ABI2: variants seen among roughly 807,000 people sequenced by gnomAD.
The protein encoded by ABI2 is abelson interactor 2.
In ABI2, 25 loss-of-function variants were observed where a neutral mutation model predicts 59.2. The ratio of observed to expected loss-of-function variants is 0.42; its 90% CI spans 0.31 to 0.59. ABI2 has a LOEUF of 0.59. Among genes scored for constraint, ABI2 ranks in the 20% least tolerant of loss-of-function variants. The pLI is 0.14. For synonymous variants in ABI2, 213 were observed against 235.5 expected (o/e 0.90, Z 0.87); for missense variants, 545 against 681.8 (o/e 0.80, Z 2.23).
intron 4 of ABI2, among the ~76,000 whole-genome samples, chr2:203,385,139 C>CA (rs2096427631): frequency 1.4e-5 from 1 of 69,938 alleles, no homozygotes; most frequent in Non-Finnish European, 2.9e-5. Context: ...GGCTCAGATT[C>CA]TTTTTTTTTT....
At chr2:203,342,940 T>A (rs1039144324) in intron 1 of ABI2, among the ~76,000 whole-genome samples, 6 of 152,242 alleles carry the variant, frequency 3.9e-5, no homozygotes, top group Non-Finnish European at 8.8e-5. Flanking sequence ...TGCATTTGTT[T>A]ATAATGCATT....
chr2:203,340,591 C>G (rs190674666), intron 1 of ABI2, among the ~76,000 whole-genome samples: 113 of 152,202 alleles, frequency 7.4e-4, no homozygotes, highest in Middle Eastern at 3.4e-3. Flanking sequence ...CTCCTGGGCT[C>G]TACCCATCCA....
chr2:203,368,498 T>G (rs1023567456), intron 2 of ABI2, among the ~76,000 whole-genome samples: 1 of 152,172 alleles, frequency 6.6e-6, no homozygotes, highest in African/African-American at 2.4e-5. Context: ...TTTGAGAGTC[T>G]AAAGTTTAGC....
chr2:203,415,248 G>A (rs763468068), intron 10 of ABI2, among the ~76,000 whole-genome samples: 1 of 152,164 alleles, frequency 6.6e-6, no homozygotes, highest in Non-Finnish European at 1.5e-5. Flanking sequence ...GAGGGGCACA[G>A]CAGATGGGAA....
intron 1 of ABI2, among the ~76,000 whole-genome samples, chr2:203,356,998 T>TA (rs1188296881): frequency 6.6e-6 from 1 of 151,670 alleles, no homozygotes; most frequent in Non-Finnish European, 1.5e-5. Context: ...AAAAGAAAAC[T>TA]AAAAAACGAT....
At chr2:203,384,610 A>G (rs1028852040) in intron 4 of ABI2, among the ~76,000 whole-genome samples, 1 of 151,330 alleles carries the variant, frequency 6.6e-6, no homozygotes, top group African/African-American at 2.4e-5. Flanking sequence ...GTGCCTGGCC[A>G]GTACTCTTTT....
chr2:203,420,952 T>C (rs1375953355), intron 11 of ABI2, among the ~76,000 whole-genome samples: 3 of 71,342 alleles, frequency 4.2e-5, no homozygotes, highest in Non-Finnish European at 7.7e-5. Flanking sequence ...CAGTGTCCAG[T>C]GCATGAGGGT....
intron 9 of ABI2, among the ~76,000 whole-genome samples, chr2:203,403,789 T>C (rs953551232): frequency 1.3e-5 from 2 of 148,762 alleles, no homozygotes; most frequent in Non-Finnish European, 3.0e-5. Flanking sequence ...TCTCGCTCTG[T>C]TGCCCAGGAT....
chr2:203,340,227 G>A (rs1379054408), intron 1 of ABI2, among the ~76,000 whole-genome samples: 4 of 152,216 alleles, frequency 2.6e-5, no homozygotes, highest in Non-Finnish European at 4.4e-5. Context: ...GCCAAGGGCC[G>A]TTGGGAGGTG....
intron 1 of ABI2, among the ~76,000 whole-genome samples, chr2:203,364,491 G>A (rs145962993): frequency 7.2e-5 from 11 of 152,250 alleles, no homozygotes; most frequent in East Asian, 3.9e-4. Context: ...TGACTTATCC[G>A]TAGAGCAGAT....
chr2:203,376,397 C>G (rs1461781951), intron 2 of ABI2, among the ~76,000 whole-genome samples: 1 of 152,176 alleles, frequency 6.6e-6, no homozygotes, highest in Admixed American at 6.5e-5. Flanking sequence ...CCTAGTGTTT[C>G]TAAGATGTAG....
chr2:203,382,320 C>G, intron 4 of ABI2, 114 bp downstream of exon 4: 2 of 916,046 alleles, frequency 2.2e-6, no homozygotes, highest in South Asian at 3.5e-5. Flanking sequence ...AATAATTCCT[C>G]CTTTTTGTTT....
chr2:203,406,803 A>G (rs1237419369), intron 9 of ABI2, among the ~76,000 whole-genome samples: 1 of 152,074 alleles, frequency 6.6e-6, no homozygotes, highest in Admixed American at 6.5e-5. Flanking sequence ...AGTTGGAACT[A>G]CAGGTGTGTG....
intron 1 of ABI2, chr2:203,329,341 ATTTTTTTTTTTTT>A (rs11376266): frequency 9.9e-6 from 1 of 100,700 alleles, no homozygotes; most frequent in Non-Finnish European, 1.9e-5. Context: ...TCCTGGTTTA[ATTTTTTTTTTTTT>A]TTTTTTTTTT....
At chr2:203,379,552 T>A (rs755990859) in intron 2 of ABI2, among the ~76,000 whole-genome samples, 1 of 152,196 alleles carries the variant, frequency 6.6e-6, no homozygotes, top group Non-Finnish European at 1.5e-5. Context: ...TTTTTAACAT[T>A]ATATTTCAGC....
At chr2:203,344,567 GTT>G (rs56966940) in intron 1 of ABI2, among the ~76,000 whole-genome samples, 35 of 144,044 alleles carry the variant, frequency 2.4e-4, no homozygotes, top group Admixed American at 2.8e-4. Context: ...TGTTGTTTTT[GTT>G]TTTTTTTTTT....
At chr2:203,363,613 CAA>C (rs1015412502) in intron 1 of ABI2, among the ~76,000 whole-genome samples, 2 of 152,118 alleles carry the variant, frequency 1.3e-5, no homozygotes, top group African/African-American at 4.8e-5. Context: ...TTAACTCCCA[CAA>C]ATAAGTGAGA....
At chr2:203,334,789 T>A (rs1403566884) in intron 1 of ABI2, among the ~76,000 whole-genome samples, 1 of 151,982 alleles carries the variant, frequency 6.6e-6, no homozygotes, top group East Asian at 1.9e-4. Flanking sequence ...GCTTCCTGAG[T>A]AGCTGGGATT....
chr2:203,415,660 C>A (rs1311473527), intron 10 of ABI2, among the ~76,000 whole-genome samples: 2 of 146,448 alleles, frequency 1.4e-5, no homozygotes, highest in Non-Finnish European at 3.0e-5. Context: ...TAATTCAATT[C>A]GTAGGCTTAG....
Sources: allele counts gnomAD v4.1 joint callset (sites outside exome capture counted in the v4.1 genomes callset), GRCh38; gene constraint gnomAD v4.1.1; transcripts MANE v1.5; gene names NCBI Gene and HGNC (gene_info 2026-07-23, HGNC 2026-07-21).